ANK3: variants seen among roughly 807,000 people sequenced by gnomAD.
ANK3 encodes the protein ankyrin-3.
A neutral mutation model predicts 370.9 loss-of-function variants in ANK3; 57 were observed. The observed-to-expected ratio is 0.15, with a 90% confidence interval of 0.12 to 0.19. ANK3 has a LOEUF of 0.19. Ranked by LOEUF, ANK3 falls within the 10% of genes least tolerant of loss-of-function variation. The pLI, the probability that ANK3 is intolerant of heterozygous loss-of-function variation, is 1.00. For missense variants in ANK3, 4,439 were observed against 5,302.1 expected, an observed-to-expected ratio of 0.84 and a Z score of 5.06; for synonymous variants, 1,929 against 1,946.3, an observed-to-expected ratio of 0.99 and a Z score of 0.23.
At chr10:60,586,637 C>A (rs2077835767) in intron 2 of ANK3, among the ~76,000 whole-genome samples, 2 of 152,082 alleles carry the variant, frequency 1.3e-5, no homozygotes, top group Admixed American at 6.6e-5. Flanking sequence ...TCTGCTTCTA[C>A]AATATATTGT....
intron 2 of ANK3, among the ~76,000 whole-genome samples, chr10:60,610,500 C>T (rs1239160836): frequency 5.6e-5 from 4 of 71,756 alleles, no homozygotes; most frequent in Non-Finnish European, 6.1e-5. Flanking sequence ...GCAACGAGAG[C>T]GGAAAAAAAA....
At chr10:60,235,589 C>A (rs2097319429) in intron 7 of ANK3, among the ~76,000 whole-genome samples, 1 of 120,624 alleles carries the variant, frequency 8.3e-6, no homozygotes, top group African/African-American at 3.2e-5. Context: ...TTTTAAGTGA[C>A]AGAGTCTCGT....
chr10:60,492,937 G>A (rs111468107), intron 2 of ANK3, among the ~76,000 whole-genome samples: 19,250 of 149,830 alleles, frequency 0.13, 1,444 homozygotes, highest in African/African-American at 0.21. Context: ...AAAATTAGCC[G>A]GGTGTAGTGG....
intron 2 of ANK3, among the ~76,000 whole-genome samples, chr10:60,521,866 T>C (rs1156634401): frequency 1.3e-5 from 2 of 152,120 alleles, no homozygotes; most frequent in Admixed American, 6.6e-5. Context: ...CTTCTGGCTG[T>C]AGCAGATAAT....
At chr10:60,312,128 C>T (rs2046473434) in intron 1 of ANK3, among the ~76,000 whole-genome samples, 2 of 152,168 alleles carry the variant, frequency 1.3e-5, no homozygotes, top group Admixed American at 1.3e-4. Flanking sequence ...GTTAAAATTG[C>T]TAAAGAAAGA....
At chr10:60,473,855 G>A (rs1198871571) in intron 2 of ANK3, among the ~76,000 whole-genome samples, 1 of 151,780 alleles carries the variant, frequency 6.6e-6, no homozygotes, top group Non-Finnish European at 1.5e-5. Context: ...AAACAGGCTA[G>A]GTGCAGAGGC....
At chr10:60,571,391 G>A (rs540106672) in intron 2 of ANK3, among the ~76,000 whole-genome samples, 8 of 151,896 alleles carry the variant, frequency 5.3e-5, no homozygotes, top group Admixed American at 1.3e-4. Context: ...TTTTTTAAAC[G>A]CCTGATATAT....
rs1467216281 is a variant in ANK3 at position 60,477,518 on chromosome 10, C to G, written c.96+137668G>C. Among the ~76,000 whole-genome samples the G allele has an allele frequency of 3.9e-3, 330 of 85,034 alleles. 1 individual carries two copies. Among genetic ancestry groups the G allele is most frequent in the African/African-American group, 0.015 (318 of 21,786 alleles). 55.8% of individuals were successfully genotyped at this position (85,034 alleles called of 152,430 possible). A position where few individuals can be genotyped will look rare whatever the true frequency, so the allele number is the denominator to read the frequency against. On this transcript the variant is annotated intron_variant, in intron 2 of 43. Transcript: ENST00000373827. ...ACCTACTGACAGACAGACAGACATA[C>G]ACACACACACACACACACACACACA...
intron 2 of ANK3, among the ~76,000 whole-genome samples, chr10:60,450,512 A>C (rs1426056032): frequency 6.6e-6 from 1 of 152,188 alleles, no homozygotes; most frequent in African/African-American, 2.4e-5. Flanking sequence ...TTAGCCAAAG[A>C]AGTGGGTTAG....
At chr10:60,084,444 T>TA (rs1160463980) in intron 32 of ANK3, 158 bp downstream of exon 32, 4 of 397,192 alleles carry the variant, frequency 1.0e-5, no homozygotes, top group Non-Finnish European at 1.3e-5. Context: ...TTAAAAAAGA[T>TA]AAAAAAATTT....
intron 2 of ANK3, among the ~76,000 whole-genome samples, chr10:60,534,297 G>A (rs1242723382): frequency 6.6e-6 from 1 of 152,108 alleles, no homozygotes; most frequent in East Asian, 1.9e-4. Context: ...TGTTCACCAA[G>A]TGAATTGCTT....
intron 1 of ANK3, among the ~76,000 whole-genome samples, chr10:60,668,877 C>T (rs2133379091): frequency 6.6e-6 from 1 of 152,210 alleles, no homozygotes; most frequent in Non-Finnish European, 1.5e-5. Context: ...CCTGTATTCC[C>T]AGCTACTTGC....
chr10:60,319,143 G>A lies in ANK3; in HGVS notation c.115-39504C>T, dbSNP rs187536625. ...AAATATTGCTGGACTGTAAATTCTT[G>A]CCTTTGAAAAAAAACACTGTTCACA... On this transcript the variant is annotated intron_variant, in intron 1 of 43. Coordinates refer to ENST00000280772, the MANE Select transcript of ANK3 (RefSeq NM_020987.5). 3.4e-4 allele frequency among the ~76,000 whole-genome samples: 51 copies of A among 152,068 alleles called. No homozygotes were observed. In the East Asian group the frequency reaches 8.5e-3, roughly 25 times the overall value.
At chr10:60,082,805 GT>G (rs2085604045) in intron 33 of ANK3, 68 bp from the exon 34 acceptor site, 13 of 1,518,870 alleles carry the variant, frequency 8.6e-6, no homozygotes, top group African/African-American at 1.4e-5. Flanking sequence ...CTGTATAAGA[GT>G]TAAGCATGGT....
intron 1 of ANK3, among the ~76,000 whole-genome samples, chr10:60,635,575 C>T (rs2078542712): frequency 6.6e-6 from 1 of 151,964 alleles, no homozygotes; most frequent in Admixed American, 6.6e-5. Context: ...CACATATGAC[C>T]TCTATACTAG....
intron 2 of ANK3, among the ~76,000 whole-genome samples, chr10:60,545,884 T>C (rs980363776): frequency 6.6e-6 from 1 of 152,164 alleles, no homozygotes; most frequent in Non-Finnish European, 1.5e-5. Context: ...GATAATGATA[T>C]AATGAGTTTT....
At chr10:60,538,968 C>A (rs142137869) in intron 2 of ANK3, among the ~76,000 whole-genome samples, 183 of 151,894 alleles carry the variant, frequency 1.2e-3, no homozygotes, top group Non-Finnish European at 2.0e-3. Context: ...GCTGTTTCCA[C>A]GAAGTTCTTT....
chr10:60,732,921 C>A (rs1017003588), intron 1 of ANK3, among the ~76,000 whole-genome samples: 14 of 151,908 alleles, frequency 9.2e-5, no homozygotes, highest in Non-Finnish European at 1.8e-4. Context: ...GAGGTGAGGG[C>A]GTCCTGAGCC....
chr10:60,052,379 ATATATT>A (rs2078241598), intron 42 of ANK3, among the ~76,000 whole-genome samples: 1 of 152,238 alleles, frequency 6.6e-6, no homozygotes, highest in African/African-American at 2.4e-5. Context: ...ATTTTGGCAC[ATATATT>A]TATATTCAAG....
Sources: gnomAD v4.1 joint callset for allele counts (sites outside exome capture counted in the v4.1 genomes callset) on GRCh38, gnomAD v4.1.1 for gene constraint, MANE v1.5 for transcripts, NCBI Gene and HGNC (gene_info 2026-07-23, HGNC 2026-07-21) for gene names.